UGGT2: variants seen among roughly 807,000 people sequenced by gnomAD.
UGGT2 encodes the protein UDP-glucose:glycoprotein glucosyltransferase 2.
UGGT2 carries 180 observed loss-of-function variants against 192.1 expected under a neutral mutation model. That is an observed-to-expected ratio of 0.94 (90% CI 0.83 to 1.06). The LOEUF (loss-of-function observed/expected upper bound fraction) is 1.06. Among genes scored for constraint, UGGT2 ranks in the 50% least tolerant of loss-of-function variants. UGGT2 has a pLI of 0.00. For missense variants in UGGT2, 1,849 were observed against 1,795.7 expected, an observed-to-expected ratio of 1.03 and a Z score of -0.54; for synonymous variants, 580 against 591.0, an observed-to-expected ratio of 0.98 and a Z score of 0.27.
Position 95,986,380 on chromosome 13 carries a change from G to T in UGGT2, c.984C>A (p.Ser328=). ...SQIMSAPVYD[S]IKLMKDISQN... is the part of the protein sequence containing the mutation. ...GTGAAATGTCTTTCATTAATTTAAT[G>T]GAATCATAAACTGGAGCGGACATTA... The change falls in exon 9 of 39, where the codon TCC becomes TCA. Residue 328 remains serine (S), a synonymous_variant. Transcript: ENST00000376747. The T allele has an allele frequency of 6.2e-7, 1 of 1,604,666 alleles. No homozygotes were observed. Among genetic ancestry groups the T allele is most frequent in the South Asian group, 1.1e-5 (1 of 89,972 alleles).
chr13:95,877,314 G>C lies in UGGT2; in HGVS notation c.3438C>G (p.His1146Gln). 2 of 1,605,020 alleles carry C rather than the reference G, an allele frequency of 1.2e-6. No individual in the cohort carries two copies. The highest frequency in any genetic ancestry group is 1.7e-6 in the Non-Finnish European group (2 of 1,176,836). Residue 1146 changes from histidine to glutamine, a missense_variant, in exon 29 of 39, where the codon CAC becomes CAG. Transcript: ENST00000376747. ...GATAAATATCTTCAGATTTTCCTTG[G>C]TGTAACCTCAGTATCCAAGCACCTG... ...ANPGAWILRL[H>Q]QGKSEDIYQI...
At chr13:95,949,949 C>T (rs2050004176) in intron 12 of UGGT2, among the ~76,000 whole-genome samples, 1 of 152,010 alleles carries the variant, frequency 6.6e-6, no homozygotes. Flanking sequence ...GGCATGTGGT[C>T]GGGGAAGCAA....
chr13:95,814,148 G>A (rs1884706646), intron 38 of UGGT2, among the ~76,000 whole-genome samples: 1 of 152,220 alleles, frequency 6.6e-6, no homozygotes, highest in Non-Finnish European at 1.5e-5. Context: ...CCCCCACAGA[G>A]AGTCCCCACT....
intron 1 of UGGT2, among the ~76,000 whole-genome samples, chr13:96,033,167 T>C (rs1044898581): frequency 1.3e-5 from 2 of 152,218 alleles, no homozygotes; most frequent in South Asian, 2.1e-4. Flanking sequence ...AAACATTCCA[T>C]GCTCATGGAT....
intron 1 of UGGT2, among the ~76,000 whole-genome samples, chr13:96,043,390 T>C (rs2053220116): frequency 6.6e-6 from 1 of 151,994 alleles, no homozygotes; most frequent in Non-Finnish European, 1.5e-5. Flanking sequence ...AAACAAATCA[T>C]GGGAATAAAT....
chr13:95,901,049 TC>T, intron 21 of UGGT2, 111 bp from the exon 22 acceptor site: 1 of 797,852 alleles, frequency 1.3e-6, no homozygotes, highest in Non-Finnish European at 1.7e-6. Flanking sequence ...ACTTTCAAAA[TC>T]ATTATTTGGT....
intron 12 of UGGT2, among the ~76,000 whole-genome samples, chr13:95,968,847 C>CGT (rs1000667660): frequency 8.6e-5 from 13 of 151,996 alleles, no homozygotes; most frequent in African/African-American, 3.1e-4. Context: ...TACACATATA[C>CGT]GTGTGTGTGT....
chr13:95,979,521 T>C (rs940241992), intron 10 of UGGT2, among the ~76,000 whole-genome samples: 7 of 123,970 alleles, frequency 5.6e-5, no homozygotes, highest in African/African-American at 1.2e-4. Context: ...GGTAAATATA[T>C]ATTCTCATTT....
At position 95,916,686 on chromosome 13, in the gene UGGT2, A is replaced by T. The variant is rs76229060; in HGVS notation, c.2295+8994T>A. 2.2e-3 allele frequency among the ~76,000 whole-genome samples: 332 copies of T among 152,330 alleles called. 2 individuals carry two copies. Among genetic ancestry groups the T allele is most frequent in the African/African-American group, 7.5e-3 (312 of 41,576 alleles). Reference sequence around the variant, plus strand: ...CATTACAGGAGCTGTAAACGAGAACAATCAGTTTAGAGAGGAATATAAATG... The same window carrying T: ...CATTACAGGAGCTGTAAACGAGAACTATCAGTTTAGAGAGGAATATAAATG... On this transcript the variant is annotated intron_variant, in intron 20 of 38. Transcript: ENST00000376747.
intron 19 of UGGT2, 137 bp from the exon 20 acceptor site, chr13:95,925,911 G>C: frequency 2.0e-6 from 1 of 510,676 alleles, no homozygotes; most frequent in East Asian, 3.1e-5. Flanking sequence ...AAAATGTTAT[G>C]TGTGAATGTA....
At chr13:96,037,559 C>T (rs1246564939) in intron 1 of UGGT2, among the ~76,000 whole-genome samples, 1 of 152,106 alleles carries the variant, frequency 6.6e-6, no homozygotes, top group East Asian at 1.9e-4. Flanking sequence ...TCTTTGTTTC[C>T]TACATAAGAC....
chr13:95,820,872 G>T (rs1254480960), intron 38 of UGGT2, among the ~76,000 whole-genome samples: 1 of 151,860 alleles, frequency 6.6e-6, no homozygotes, highest in Non-Finnish European at 1.5e-5. Flanking sequence ...TTCCATTCCG[G>T]AATTACTTCA....
At chr13:95,855,401 T>C (rs1889493965) in intron 34 of UGGT2, among the ~76,000 whole-genome samples, 1 of 152,044 alleles carries the variant, frequency 6.6e-6, no homozygotes, top group South Asian at 2.1e-4. Context: ...TTTCAATTTT[T>C]TTTTCCCACT....
chr13:95,877,443 TAAGA>T, intron 28 of UGGT2, 79 bp from the exon 29 acceptor site: 1 of 1,173,096 alleles, frequency 8.5e-7, no homozygotes, highest in Non-Finnish European at 1.2e-6. Flanking sequence ...ACGAATGATC[TAAGA>T]AAGTATTTAT....
chr13:95,863,570 C>T lies in UGGT2; in HGVS notation c.3644+59G>A, dbSNP rs1890358540. The stretch of plus-strand genomic sequence containing the variant: ...TAAATTTTCACTACCTGTGGAACTT[C>T]CACATACTAGACTTCTGGATCAATC... On this transcript the variant is annotated intron_variant, in intron 31 of 38. Coordinates refer to ENST00000376747, the MANE Select transcript of UGGT2 (RefSeq NM_020121.4). The T allele has an allele frequency of 7.2e-6, 10 of 1,393,826 alleles. No individual in the cohort carries two copies. In the Admixed American group the frequency reaches 8.6e-5, roughly 12 times the overall value. The allele number at this position is 1,393,826 out of a possible 1,614,324, so 86.3% of individuals were successfully genotyped here. A position where few individuals can be genotyped will look rare whatever the true frequency, so the allele number is the denominator to read the frequency against.
chr13:95,956,894 C>T (rs73560863), intron 12 of UGGT2, among the ~76,000 whole-genome samples: 3,208 of 152,294 alleles, frequency 0.021, 111 homozygotes, highest in African/African-American at 0.074. Flanking sequence ...CATAGCACAG[C>T]ATTATTCACA....
intron 36 of UGGT2, among the ~76,000 whole-genome samples, chr13:95,846,074 G>C (rs1386973259): frequency 2.0e-5 from 3 of 152,136 alleles, no homozygotes; most frequent in Non-Finnish European, 2.9e-5. Flanking sequence ...CAAGGCAGGC[G>C]GCTGGGAGGT....
At chr13:95,974,132 G>A (rs77472193) in intron 10 of UGGT2, among the ~76,000 whole-genome samples, 1 of 152,196 alleles carries the variant, frequency 6.6e-6, no homozygotes, top group Non-Finnish European at 1.5e-5. Context: ...ACACACAGAG[G>A]AGGGAGAAGA....
rs948167045 is a variant in UGGT2, at chr13:96,019,133, G to A, written c.485+3907C>T. The stretch of plus-strand genomic sequence containing the variant: ...TTTGCCCTACATAGCGGGGGGGGGG[G>A]GGGGGAATGTTTCTGTCAGGCTGTA... On this transcript the variant is annotated intron_variant, in intron 4 of 38. Transcript: ENST00000376747. Among the ~76,000 whole-genome samples the A allele has an allele frequency of 9.6e-5, 12 of 124,926 alleles. 2 individuals are homozygous for A. Among genetic ancestry groups the A allele is most frequent in the African/African-American group, 2.4e-4 (8 of 33,626 alleles). 82.0% of individuals were successfully genotyped at this position (124,926 alleles called of 152,430 possible). A position where few individuals can be genotyped will look rare whatever the true frequency, so the allele number is the denominator to read the frequency against.
Sources: gnomAD v4.1 joint callset for allele counts (sites outside exome capture counted in the v4.1 genomes callset) on GRCh38, gnomAD v4.1.1 for gene constraint, MANE v1.5 for transcripts, NCBI Gene and HGNC (gene_info 2026-07-23, HGNC 2026-07-21) for gene names.